XKR6: variants seen among roughly 807,000 people sequenced by gnomAD.
XKR6 encodes the protein XK-related protein 6.
Under a neutral mutation model 56.7 loss-of-function variants are expected in XKR6, and 22 were observed. The ratio of observed to expected loss-of-function variants is 0.39; its 90% CI spans 0.28 to 0.55. XKR6 has a LOEUF of 0.55. Ranked by LOEUF, XKR6 falls within the 20% of genes least tolerant of loss-of-function variation. XKR6 has a pLI of 0.66. For missense variants in XKR6, 852 were observed against 889.0 expected, an observed-to-expected ratio of 0.96 and a Z score of 0.53; for synonymous variants, 524 against 387.8, an observed-to-expected ratio of 1.35 and a Z score of -4.13.
At chr8:11,187,539 T>G (rs1357273273) in intron 1 of XKR6, among the ~76,000 whole-genome samples, 3 of 152,112 alleles carry the variant, frequency 2.0e-5, no homozygotes, top group Non-Finnish European at 4.4e-5. Flanking sequence ...TCACGAGTGG[T>G]TCTTCCCAGC....
At chr8:10,990,999 G>A (rs1011698351) in intron 1 of XKR6, among the ~76,000 whole-genome samples, 1 of 147,710 alleles carries the variant, frequency 6.8e-6, no homozygotes, top group Non-Finnish European at 1.5e-5. Flanking sequence ...ACCTCCCGGA[G>A]TTCAAGCGAT....
intron 1 of XKR6, among the ~76,000 whole-genome samples, chr8:10,939,868 C>T (rs1801337632): frequency 6.6e-6 from 1 of 152,216 alleles, no homozygotes; most frequent in African/African-American, 2.4e-5. Flanking sequence ...GGGAGAACTG[C>T]TCTTCATTGT....
intron 1 of XKR6, among the ~76,000 whole-genome samples, chr8:10,962,874 C>T (rs904783729): frequency 6.6e-6 from 1 of 152,158 alleles, no homozygotes; most frequent in Non-Finnish European, 1.5e-5. Flanking sequence ...CCACCCGCCT[C>T]GGCCTCCCAA....
intron 2 of XKR6, 134 bp from the exon 3 acceptor site, chr8:10,899,050 G>C (rs1799965340): frequency 7.3e-7 from 1 of 1,373,892 alleles, no homozygotes; most frequent in Admixed American, 2.5e-5. Flanking sequence ...ACAGAATCAG[G>C]AACCGAACTT....
intron 2 of XKR6, among the ~76,000 whole-genome samples, chr8:10,923,745 G>A (rs559126144): frequency 6.6e-6 from 1 of 152,346 alleles, no homozygotes; most frequent in East Asian, 1.9e-4. Flanking sequence ...AGGACCTGCG[G>A]GGTCTGGAGG....
Position 11,154,725 on chromosome 8 carries a change from T to C in XKR6, c.764+45851A>G, listed in dbSNP as rs79000468. Among the ~76,000 whole-genome samples, 1,030 of 152,360 alleles carry C rather than the reference T, an allele frequency of 6.8e-3. 10 individuals are homozygous for C. Among genetic ancestry groups the C allele is most frequent in the Non-Finnish European group, 9.5e-3 (643 of 68,034 alleles). ...GAAAATTAAGTAAGAGTTTCTAGAATACATGTAATCCTCCTTTTCTGTTGG... is the reference window on the plus strand; with the variant it reads ...GAAAATTAAGTAAGAGTTTCTAGAACACATGTAATCCTCCTTTTCTGTTGG... On this transcript the variant is annotated intron_variant, in intron 1 of 2. Coordinates refer to ENST00000416569, the MANE Select transcript of XKR6 (RefSeq NM_173683.4).
chr8:10,994,096 G>A (rs566226282), intron 1 of XKR6, among the ~76,000 whole-genome samples: 1 of 152,158 alleles, frequency 6.6e-6, no homozygotes, highest in African/African-American at 2.4e-5. Context: ...CCTGAACATG[G>A]TTCCCCAACC....
chr8:11,088,461 C>T (rs1169903580), intron 1 of XKR6, among the ~76,000 whole-genome samples: 1 of 152,166 alleles, frequency 6.6e-6, no homozygotes, highest in Non-Finnish European at 1.5e-5. Flanking sequence ...CTTCCCTCTC[C>T]AACCAAGCGC....
intron 1 of XKR6, among the ~76,000 whole-genome samples, chr8:10,941,008 C>T (rs933605291): frequency 1.2e-4 from 18 of 152,208 alleles, no homozygotes; most frequent in South Asian, 6.2e-4. Flanking sequence ...ACTCGGCCAC[C>T]GGGCCAGGCT....
At chr8:11,108,208 C>G (rs747057007) in intron 1 of XKR6, 1 of 447,052 alleles carries the variant, frequency 2.2e-6, no homozygotes, top group African/African-American at 2.0e-5. Context: ...AACAAATTAA[C>G]CAAATTCAGA....
At chr8:11,188,531 C>A (rs1653835931) in intron 1 of XKR6, among the ~76,000 whole-genome samples, 1 of 152,188 alleles carries the variant, frequency 6.6e-6, no homozygotes, top group African/African-American at 2.4e-5. Flanking sequence ...TAGGCCCAAC[C>A]AAAACCACTT....
At chr8:10,904,437 G>A (rs914165141) in intron 2 of XKR6, among the ~76,000 whole-genome samples, 16 of 152,304 alleles carry the variant, frequency 1.1e-4, no homozygotes, top group South Asian at 2.1e-4. Context: ...ATCAGGGAAC[G>A]TCCTGTTTTG....
chr8:10,918,858 C>A (rs776796413), intron 2 of XKR6, among the ~76,000 whole-genome samples: 1 of 152,192 alleles, frequency 6.6e-6, no homozygotes, highest in Non-Finnish European at 1.5e-5. Flanking sequence ...TGCTCCAGAA[C>A]AGACCTCAAA....
intron 1 of XKR6, among the ~76,000 whole-genome samples, chr8:11,098,671 T>C (rs116227339): frequency 0.011 from 1,744 of 152,338 alleles, 35 homozygotes; most frequent in African/African-American, 0.039. Context: ...TCTTTTATAG[T>C]ATGTGGAAAG....
chr8:10,924,366 C>T (rs1021763812), intron 2 of XKR6, among the ~76,000 whole-genome samples: 1 of 152,256 alleles, frequency 6.6e-6, no homozygotes, highest in African/African-American at 2.4e-5. Context: ...ACCCAGAGCC[C>T]TCTACCCGGC....
At chr8:10,998,899 G>C (rs1192718501) in intron 1 of XKR6, among the ~76,000 whole-genome samples, 4 of 152,192 alleles carry the variant, frequency 2.6e-5, no homozygotes, top group African/African-American at 9.6e-5. Flanking sequence ...TACCCAGGAT[G>C]GAATCCTGAA....
chr8:11,176,063 A>T (rs1802639420), intron 1 of XKR6, among the ~76,000 whole-genome samples: 1 of 152,154 alleles, frequency 6.6e-6, no homozygotes, highest in South Asian at 2.1e-4. Context: ...ACCTTGTGAA[A>T]CTCATTTTAC....
chr8:11,003,745 A>C (rs1381421915), intron 1 of XKR6, among the ~76,000 whole-genome samples: 1 of 152,234 alleles, frequency 6.6e-6, no homozygotes, highest in Non-Finnish European at 1.5e-5. Flanking sequence ...CTGTCATTCC[A>C]AGCTGTCTCC....
chr8:10,917,334 C>T (rs556448618), intron 2 of XKR6, among the ~76,000 whole-genome samples: 2 of 152,334 alleles, frequency 1.3e-5, no homozygotes, highest in Non-Finnish European at 2.9e-5. Context: ...GCTGGATGGC[C>T]TGATGGGCAG....
Sources: gnomAD v4.1 joint callset for allele counts (sites outside exome capture counted in the v4.1 genomes callset) on GRCh38, gnomAD v4.1.1 for gene constraint, MANE v1.5 for transcripts, NCBI Gene and HGNC (gene_info 2026-07-23, HGNC 2026-07-21) for gene names.